The following NELL1 variants were observed in gnomAD, a reference collection of about 807,000 sequenced individuals.
The protein encoded by NELL1 is protein kinase C-binding protein NELL1.
A neutral mutation model predicts 107.4 loss-of-function variants in NELL1; 76 were observed. The observed-to-expected ratio is 0.71, with a 90% confidence interval of 0.59 to 0.86. The LOEUF is 0.86. Among genes scored for constraint, NELL1 ranks in the 40% least tolerant of loss-of-function variants. The pLI, the probability that NELL1 is intolerant of heterozygous loss-of-function variation, is 0.00. For missense variants in NELL1, 1,024 were observed against 1,005.5 expected, an observed-to-expected ratio of 1.02 and a Z score of -0.25; for synonymous variants, 353 against 341.2, an observed-to-expected ratio of 1.03 and a Z score of -0.38.
chr11:20,889,011 A>C (rs1210038913), intron 5 of NELL1, among the ~76,000 whole-genome samples: 1 of 152,196 alleles, frequency 6.6e-6, no homozygotes, highest in Non-Finnish European at 1.5e-5. Flanking sequence ...TTATTGCCCA[A>C]AGCAAGTCAT....
At chr11:21,089,980 C>T (rs1854485203) in intron 12 of NELL1, among the ~76,000 whole-genome samples, 1 of 152,162 alleles carries the variant, frequency 6.6e-6, no homozygotes. Flanking sequence ...CCATGGCAGG[C>T]AGTTTCTCAG....
At chr11:20,879,013 T>C (rs1490116715) in intron 4 of NELL1, among the ~76,000 whole-genome samples, 2 of 152,170 alleles carry the variant, frequency 1.3e-5, no homozygotes, top group East Asian at 1.9e-4. Flanking sequence ...GTGCAGGAGA[T>C]ATCTAAGCAG....
At chr11:21,552,240 A>G (rs537764200) in intron 16 of NELL1, among the ~76,000 whole-genome samples, 1 of 151,676 alleles carries the variant, frequency 6.6e-6, no homozygotes, top group Non-Finnish European at 1.5e-5. Context: ...ATACATATGT[A>G]ACTAACCTGC....
chr11:21,115,511 C>G (rs537254702), intron 13 of NELL1, among the ~76,000 whole-genome samples: 1 of 152,034 alleles, frequency 6.6e-6, no homozygotes, highest in South Asian at 2.1e-4. Context: ...CTGGTGAAAA[C>G]CACCCAATAG....
rs1479491271 is a variant in NELL1 at position 21,514,084 on chromosome 11, T to C, written c.1646-20290T>C. 5.3e-5 allele frequency among the ~76,000 whole-genome samples: 8 copies of C among 152,334 alleles called. No homozygotes were observed. In the East Asian group the frequency reaches 1.3e-3, roughly 26 times the overall value. ...TTCAAAACAACTCGATTGCAAATGATTGACCTGGCAGTGTCATTTAGTTAG... is the reference window on the plus strand; with the variant it reads ...TTCAAAACAACTCGATTGCAAATGACTGACCTGGCAGTGTCATTTAGTTAG... On this transcript the variant is annotated intron_variant, in intron 15 of 19. Transcript: ENST00000357134.
chr11:20,859,958 G>A (rs1848950003), intron 4 of NELL1, among the ~76,000 whole-genome samples: 1 of 152,146 alleles, frequency 6.6e-6, no homozygotes. Flanking sequence ...AATAGCCTCT[G>A]ATAAGCTTTA....
chr11:21,044,687 A>T (rs1853314609), intron 12 of NELL1, among the ~76,000 whole-genome samples: 1 of 152,160 alleles, frequency 6.6e-6, no homozygotes, highest in Non-Finnish European at 1.5e-5. Flanking sequence ...GGGAATGGAC[A>T]TGCCTTTTTT....
intron 4 of NELL1, among the ~76,000 whole-genome samples, chr11:20,851,899 G>C (rs1036786200): frequency 6.6e-6 from 1 of 152,186 alleles, no homozygotes; most frequent in Non-Finnish European, 1.5e-5. Flanking sequence ...AGCCCTGTAA[G>C]CAGGCTGATT....
intron 2 of NELL1, among the ~76,000 whole-genome samples, chr11:20,782,017 G>T (rs1381431442): frequency 6.7e-6 from 1 of 150,022 alleles, no homozygotes; most frequent in Non-Finnish European, 1.5e-5. Context: ...CTTCAACCTG[G>T]TGACAGAGTG....
intron 15 of NELL1, among the ~76,000 whole-genome samples, chr11:21,381,541 C>G (rs1022600279): frequency 6.6e-6 from 1 of 151,944 alleles, no homozygotes; most frequent in Non-Finnish European, 1.5e-5. Flanking sequence ...GAAATTGTAG[C>G]TAGTGATAAC....
intron 15 of NELL1, among the ~76,000 whole-genome samples, chr11:21,498,726 C>G (rs1189974253): frequency 1.3e-5 from 2 of 151,800 alleles, no homozygotes; most frequent in Non-Finnish European, 2.9e-5. Flanking sequence ...TATTAGATAT[C>G]AAAAAATTAT....
At chr11:21,252,423 G>T (rs570026337) in intron 14 of NELL1, among the ~76,000 whole-genome samples, 1 of 152,142 alleles carries the variant, frequency 6.6e-6, no homozygotes, top group Non-Finnish European at 1.5e-5. Flanking sequence ...ACAGACCAGA[G>T]ACTTGACACC....
At chr11:20,772,228 T>C (rs1856654248) in intron 2 of NELL1, among the ~76,000 whole-genome samples, 1 of 152,190 alleles carries the variant, frequency 6.6e-6, no homozygotes, top group Non-Finnish European at 1.5e-5. Flanking sequence ...CAGAGTAGTT[T>C]AGACTCTGGG....
At chr11:21,446,135 T>G (rs1355000204) in intron 15 of NELL1, among the ~76,000 whole-genome samples, 1 of 152,132 alleles carries the variant, frequency 6.6e-6, no homozygotes, top group East Asian at 1.9e-4. Flanking sequence ...GAGACTCTGA[T>G]GCATTCTTCA....
intron 2 of NELL1, among the ~76,000 whole-genome samples, chr11:20,773,258 C>A (rs1046759980): frequency 7.9e-5 from 12 of 152,160 alleles, no homozygotes; most frequent in Non-Finnish European, 1.8e-4. Context: ...GTACCCCACC[C>A]ATCCTACAGG....
intron 5 of NELL1, among the ~76,000 whole-genome samples, chr11:20,916,328 G>A (rs187516119): frequency 6.6e-6 from 1 of 152,082 alleles, no homozygotes; most frequent in Non-Finnish European, 1.5e-5. Context: ...AAAGGTGTGA[G>A]AGCAGGTGAT....
chr11:21,029,696 C>A, intron 12 of NELL1, among the ~76,000 whole-genome samples: 1 of 151,952 alleles, frequency 6.6e-6, no homozygotes, highest in East Asian at 1.9e-4. Flanking sequence ...TTCATAGTCC[C>A]AAGTACAAGC....
chr11:21,052,913 G>C (rs1051623420), intron 12 of NELL1, among the ~76,000 whole-genome samples: 7 of 152,062 alleles, frequency 4.6e-5, no homozygotes, highest in Admixed American at 3.9e-4. Context: ...AAATCAGGTG[G>C]GGAATTTGTA....
intron 2 of NELL1, among the ~76,000 whole-genome samples, chr11:20,750,903 TG>T (rs1856118395): frequency 6.6e-6 from 1 of 152,128 alleles, no homozygotes; most frequent in African/African-American, 2.4e-5. Context: ...TTAATTTTTG[TG>T]TGTGATATAA....
Sources: allele counts gnomAD v4.1 joint callset (sites outside exome capture counted in the v4.1 genomes callset), GRCh38; gene constraint gnomAD v4.1.1; transcripts MANE v1.5; gene names NCBI Gene and HGNC (gene_info 2026-07-23, HGNC 2026-07-21).